XPR1: variants seen among roughly 807,000 people sequenced by gnomAD.
XPR1 encodes xenotropic and polytropic retrovirus receptor 1.
A neutral mutation model predicts 87.5 loss-of-function variants in XPR1; 28 were observed. That is an observed-to-expected ratio of 0.32 (90% CI 0.24 to 0.44). The LOEUF is 0.44. XPR1 is among the 20% of genes least tolerant of loss of function. XPR1 has a pLI of 1.00. For synonymous variants in XPR1, 300 were observed against 306.1 expected (o/e 0.98, Z 0.21); for missense variants, 559 against 862.3 (o/e 0.65, Z 4.41).
intron 5 of XPR1, 67 bp downstream of exon 5, chr1:180,806,278 C>G (rs1649988539): frequency 1.3e-6 from 2 of 1,574,240 alleles, no homozygotes; most frequent in Admixed American, 3.6e-5. Flanking sequence ...GAAGCAATTC[C>G]TTATTTCTGT....
intron 2 of XPR1, among the ~76,000 whole-genome samples, chr1:180,710,910 C>T (rs559290334): frequency 1.3e-5 from 2 of 151,376 alleles, no homozygotes; most frequent in African/African-American, 2.4e-5. Context: ...GGCTGCCGGG[C>T]GGAGACGCTC....
chr1:180,788,371 T>A (rs910864775), intron 3 of XPR1, among the ~76,000 whole-genome samples: 10 of 152,218 alleles, frequency 6.6e-5, no homozygotes, highest in Non-Finnish European at 7.3e-5. Context: ...TGTACATGTA[T>A]GTTGCAATGT....
intron 2 of XPR1, among the ~76,000 whole-genome samples, chr1:180,761,409 C>G (rs1295549427): frequency 6.6e-6 from 1 of 152,112 alleles, no homozygotes; most frequent in African/African-American, 2.4e-5. Context: ...ACGATGAACT[C>G]AAACAAATTT....
intron 9 of XPR1, among the ~76,000 whole-genome samples, chr1:180,832,058 G>A (rs1213693867): frequency 6.6e-6 from 1 of 152,152 alleles, no homozygotes; most frequent in Admixed American, 6.5e-5. Context: ...TCCAGCATCT[G>A]TTGTTTCCTG....
At chr1:180,663,373 G>T (rs1279621739) in intron 1 of XPR1, among the ~76,000 whole-genome samples, 1 of 152,214 alleles carries the variant, frequency 6.6e-6, no homozygotes, top group Non-Finnish European at 1.5e-5. Context: ...CAGTAACATT[G>T]TGGTTCTTGC....
At chr1:180,864,784 A>G (rs1652333653) in intron 12 of XPR1, among the ~76,000 whole-genome samples, 3 of 152,230 alleles carry the variant, frequency 2.0e-5, no homozygotes, top group Non-Finnish European at 4.4e-5. Context: ...TTAGACCTTG[A>G]AAGAAATTAA....
Position 180,848,461 on chromosome 1 carries a change from G to T in XPR1, c.1501+11745G>T, listed in dbSNP as rs530483702. Among the ~76,000 whole-genome samples, 9 of 152,210 alleles carry T rather than the reference G, an allele frequency of 5.9e-5. No homozygotes were observed. The East Asian group carries it at 1.7e-3, about 29-fold the overall frequency. ...ATTTCACATAATGTAATGTACTCCA[G>T]TTCCATCTGTTTTGCTGGGAATTAC... On this transcript the variant is annotated intron_variant, in intron 11 of 14. Coordinates refer to ENST00000367590, the MANE Select transcript of XPR1 (RefSeq NM_004736.4).
At position 180,732,192 on chromosome 1, in the gene XPR1, CAAAAAAA is replaced by C. The variant is rs5779071; in HGVS notation, c.121+49793_121+49799del. Among the ~76,000 whole-genome samples the C allele has an allele frequency of 4.6e-5, 5 of 107,778 alleles. No homozygotes were observed. The East Asian group carries it at 1.0e-3, about 22-fold the overall frequency. The allele number at this position is 107,778 out of a possible 152,430, so 70.7% of individuals were successfully genotyped here. On this transcript the variant is annotated intron_variant, in intron 2 of 14. Coordinates refer to ENST00000367590, the MANE Select transcript of XPR1 (RefSeq NM_004736.4). ...TGGGTGACAAAGTGAGACTCCATCT[CAAAAAAA>C]AAAAAAAAAAAGAAGTAAAATAAAA...
chr1:180,810,361 G>A (rs573234257), intron 6 of XPR1, among the ~76,000 whole-genome samples: 1 of 152,184 alleles, frequency 6.6e-6, no homozygotes, highest in East Asian at 1.9e-4. Flanking sequence ...CAAGTGGATT[G>A]CCTGAGCCCA....
intron 1 of XPR1, among the ~76,000 whole-genome samples, chr1:180,657,948 G>T (rs1197661920): frequency 6.6e-6 from 1 of 151,850 alleles, no homozygotes; most frequent in Non-Finnish European, 1.5e-5. Context: ...TTTTGCATGT[G>T]TGTCCTCTTT....
chr1:180,653,853 C>G (rs766307205), intron 1 of XPR1, among the ~76,000 whole-genome samples: 1 of 152,006 alleles, frequency 6.6e-6, no homozygotes, highest in Non-Finnish European at 1.5e-5. Context: ...TGGTGGGTAT[C>G]CTATATAGCG....
chr1:180,886,010 A>C lies in XPR1; in HGVS notation c.*1944A>C, dbSNP rs1484774807. 1 of 152,190 alleles carries C rather than the reference A, an allele frequency of 6.6e-6. No individual in the cohort carries two copies. The highest frequency in any genetic ancestry group is 1.5e-5 in the Non-Finnish European group (1 of 68,032). The allele number at this position is 152,190 out of a possible 1,614,324, so 9.4% of individuals were successfully genotyped here. Reference sequence around the variant, plus strand: ...GTTTTGTTTTCTGAAAAAATCATACAACTTTGTGCTTCTATTGCTTTTTTG... The same window carrying C: ...GTTTTGTTTTCTGAAAAAATCATACCACTTTGTGCTTCTATTGCTTTTTTG... On this transcript the variant is annotated 3_prime_UTR_variant, in exon 15 of 15. Coordinates refer to ENST00000367590, the MANE Select transcript of XPR1 (RefSeq NM_004736.4).
chr1:180,790,390 T>C (rs61811197), intron 3 of XPR1, among the ~76,000 whole-genome samples: 8,160 of 152,218 alleles, frequency 0.054, 312 homozygotes, highest in Non-Finnish European at 0.079. Context: ...TTCTTAACTT[T>C]ATATCCTCCC....
At chr1:180,761,884 A>G (rs1223620730) in intron 2 of XPR1, among the ~76,000 whole-genome samples, 1 of 152,218 alleles carries the variant, frequency 6.6e-6, no homozygotes, top group Non-Finnish European at 1.5e-5. Flanking sequence ...ATGTCCAACA[A>G]CAATAGACTG....
intron 2 of XPR1, among the ~76,000 whole-genome samples, chr1:180,689,742 C>T (rs538755091): frequency 3.3e-5 from 5 of 152,148 alleles, no homozygotes; most frequent in African/African-American, 4.8e-5. Flanking sequence ...TCATTGATTG[C>T]GACAAATGTA....
intron 2 of XPR1, among the ~76,000 whole-genome samples, chr1:180,702,625 C>G (rs1046120575): frequency 6.6e-6 from 1 of 151,796 alleles, no homozygotes; most frequent in Admixed American, 6.6e-5. Flanking sequence ...TACTTCAGTT[C>G]TAGGATTTTT....
chr1:180,710,895 G>A (rs1159969424), intron 2 of XPR1, among the ~76,000 whole-genome samples: 2 of 151,942 alleles, frequency 1.3e-5, no homozygotes, highest in African/African-American at 4.8e-5. Context: ...CCTCCCAGAC[G>A]GGGCGGCTGC....
chr1:180,697,575 T>C (rs1028838945), intron 2 of XPR1, among the ~76,000 whole-genome samples: 3 of 152,136 alleles, frequency 2.0e-5, no homozygotes, highest in African/African-American at 2.4e-5. Context: ...TTGTTTGATA[T>C]AGGTATTTAT....
At position 180,803,370 on chromosome 1, in the gene XPR1, C is replaced by G; in HGVS notation, c.224-18C>G. On this transcript the variant is annotated intron_variant, in intron 3 of 14. Transcript: ENST00000367590. ...TTTTTATCTTACTGATTTGACAGTT[C>G]CGTTCTATTTCTTATAGAGAAGCTC... The G allele has an allele frequency of 6.2e-7, 1 of 1,606,624 alleles. No homozygotes were observed. The highest frequency in any genetic ancestry group is 1.1e-5 in the South Asian group (1 of 90,180).
Sources: gnomAD v4.1 joint callset for allele counts (sites outside exome capture counted in the v4.1 genomes callset) on GRCh38, gnomAD v4.1.1 for gene constraint, MANE v1.5 for transcripts, NCBI Gene and HGNC (gene_info 2026-07-23, HGNC 2026-07-21) for gene names.